Variants in PTPN21 observed in about 807,000 individuals in gnomAD.
PTPN21 encodes the protein tyrosine-protein phosphatase non-receptor type 21.
In PTPN21, 77 loss-of-function variants were observed where a neutral mutation model predicts 131.8. The ratio of observed to expected loss-of-function variants is 0.58; its 90% CI spans 0.49 to 0.71. The LOEUF is 0.71. Ranked by LOEUF, PTPN21 falls within the 30% of genes least tolerant of loss-of-function variation. The pLI is 0.00. For synonymous variants in PTPN21, 715 were observed against 621.3 expected (o/e 1.15, Z -2.24); for missense variants, 1,552 against 1,527.1 (o/e 1.02, Z -0.27).
chr14:88,469,769 C>G lies in PTPN21; in HGVS notation c.3001-36G>C. On this transcript the variant is annotated intron_variant, in intron 16 of 18. Coordinates refer to ENST00000556564, the MANE Select transcript of PTPN21 (RefSeq NM_007039.4). This position sits in a 1 kb window ranked among gnomAD's most constrained non-coding sequence, Gnocchi z 4.3. The stretch of plus-strand genomic sequence containing the variant: ...TGAGCATGGTTAAATGACTCGAGAT[C>G]CGGCAATGGATGCCTTTCTCACATA... 1.2e-6 allele frequency: 2 copies of G among 1,608,938 alleles called. No homozygotes were observed.
chr14:88,508,538 TTA>T (rs1044444191), intron 3 of PTPN21, among the ~76,000 whole-genome samples: 1 of 152,132 alleles, frequency 6.6e-6, no homozygotes, highest in African/African-American at 2.4e-5. Context: ...TTATCCCAGA[TTA>T]TAGTTATTTC....
At chr14:88,533,018 T>A (rs1038873155) in intron 2 of PTPN21, among the ~76,000 whole-genome samples, 7 of 152,208 alleles carry the variant, frequency 4.6e-5, no homozygotes, top group African/African-American at 1.7e-4. Flanking sequence ...TCAACCTTGT[T>A]TATCAGGCAA....
At position 88,473,728 on chromosome 14, in the gene PTPN21, TAGGG is replaced by T. The variant is rs1476958531; in HGVS notation, c.2582_2585del (p.Ser861TyrfsTer30). 6.2e-7 allele frequency: 1 copy of T among 1,611,612 alleles called. No homozygotes were observed. The highest frequency in any genetic ancestry group is 2.2e-5 in the East Asian group (1 of 44,848). ...CTTCATCAGGCAGAGGCACTCGAGA[TAGGG>T]AGAGTCCATTTAGGGCAGCCAGTTT... On this transcript the variant is annotated frameshift_variant, in exon 14 of 19. Transcript: ENST00000556564. LOFTEE classifies it high-confidence loss of function.
rs2077609998 is a variant in PTPN21, at chr14:88,479,628, G to C, written c.1803C>G (p.His601Gln). ...TGTCCTCCTGGAACGTTTGCACCGA[G>C]TGGTGCACGCGCCGCGTGATGAGGT... ...NPDLITRRVH[H>Q]SVQTFQEDSL... Residue 601 changes from histidine to glutamine, a missense_variant, in exon 13 of 19, where the codon CAC becomes CAG. Physicochemically the swap from His to Gln is conservative, Grantham distance 24. Coordinates refer to ENST00000556564, the MANE Select transcript of PTPN21 (RefSeq NM_007039.4). 1.3e-6 allele frequency: 2 copies of C among 1,573,972 alleles called. No homozygotes were observed. The highest frequency in any genetic ancestry group is 8.6e-7 in the Non-Finnish European group (1 of 1,164,850).
intron 4 of PTPN21, among the ~76,000 whole-genome samples, chr14:88,505,958 T>C (rs570690401): frequency 6.6e-6 from 1 of 152,356 alleles, no homozygotes; most frequent in South Asian, 2.1e-4. Context: ...TGCCTTCTTA[T>C]AGCTGAAGGA....
At chr14:88,523,401 T>TA (rs375911033) in intron 2 of PTPN21, among the ~76,000 whole-genome samples, 24 of 151,974 alleles carry the variant, frequency 1.6e-4, no homozygotes, top group Admixed American at 5.9e-4. Context: ...TCCTTAATGA[T>TA]AAAAAACACC....
chr14:88,539,994 G>T (rs752629929), intron 2 of PTPN21, among the ~76,000 whole-genome samples: 7 of 152,162 alleles, frequency 4.6e-5, no homozygotes, highest in Admixed American at 1.3e-4. Flanking sequence ...ACAAGGGACT[G>T]AGAAGGTTAT....
chr14:88,550,297 C>A lies in PTPN21; in HGVS notation c.121G>T (p.Val41Leu), dbSNP rs146847601. ...NNEFVEFTLS[V>L]ESTGQESLEA... ...AGGCTTTCCTGGCCAGTGCTCTCCA[C>A]GGACAGGGTGAACTCCACAAACTCG... Residue 41 changes from valine (V) to leucine (L), a missense_variant, in exon 2 of 19, where the codon GTG (valine) becomes TTG (leucine). Transcript: ENST00000556564. The A allele has an allele frequency of 2.7e-4, 430 of 1,614,180 alleles. 2 individuals carry two copies. In the African/African-American group the frequency reaches 5.3e-3, roughly 20 times the overall value.
rs781749438 is a variant in PTPN21, at chr14:88,470,048, G to GA, written c.2873dup (p.Ser959LeufsTer51). 1 of 1,612,536 alleles carries GA rather than the reference G, an allele frequency of 6.2e-7. No homozygotes were observed. Among genetic ancestry groups the GA allele is most frequent in the Non-Finnish European group, 8.5e-7 (1 of 1,178,572 alleles). On this transcript the variant is annotated frameshift_variant and splice_region_variant, in exon 16 of 19. Transcript: ENST00000556564. LOFTEE classifies it high-confidence loss of function. ...AATCCCATTCGATTCCACTGACAGA[G>GA]ACCTGGGATTAGAAAAGGTTAAAAA...
chr14:88,515,445 C>T (rs1324286243), intron 3 of PTPN21: 1 of 152,104 alleles, frequency 6.6e-6, no homozygotes, highest in Non-Finnish European at 1.5e-5. Context: ...GATGGGTGAT[C>T]TTTGTGAAAT....
chr14:88,531,671 T>G (rs1445993211), intron 2 of PTPN21, among the ~76,000 whole-genome samples: 1 of 151,976 alleles, frequency 6.6e-6, no homozygotes, highest in Non-Finnish European at 1.5e-5. Flanking sequence ...TCAAAAAGTC[T>G]GAAAGAGCAC....
At chr14:88,471,430 A>G (rs1027912058) in intron 15 of PTPN21, among the ~76,000 whole-genome samples, 2 of 152,182 alleles carry the variant, frequency 1.3e-5, no homozygotes, top group Non-Finnish European at 2.9e-5. Context: ...ACCCCAGATA[A>G]GGTGCCAAGA....
chr14:88,518,492 G>T (rs1186574202), intron 2 of PTPN21, among the ~76,000 whole-genome samples: 1 of 117,634 alleles, frequency 8.5e-6, no homozygotes, highest in Middle Eastern at 5.7e-3. Context: ...GTGCAGTGGC[G>T]CAATCTCAGC....
chr14:88,535,342 T>A (rs976928029), intron 2 of PTPN21, among the ~76,000 whole-genome samples: 7 of 152,180 alleles, frequency 4.6e-5, no homozygotes, highest in African/African-American at 1.7e-4. Flanking sequence ...GACACATGGC[T>A]GTATTTCCCC....
chr14:88,511,310 A>T (rs916326485), intron 3 of PTPN21, among the ~76,000 whole-genome samples: 15 of 152,266 alleles, frequency 9.9e-5, no homozygotes, highest in African/African-American at 2.9e-4. Context: ...TAAAGTGATT[A>T]AAAAAACCTT....
In PTPN21 at chr14:88,467,612, GT is replaced by G. The variant is rs1048381177; in HGVS notation, c.*524del. ...ACTAAACCATTATTAAGTACCCAAG[GT>G]TTTTAAAAAATAACAAAAGATAATA... On this transcript the variant is annotated 3_prime_UTR_variant, in exon 19 of 19. Transcript: ENST00000556564. 3 of 152,090 alleles carry G rather than the reference GT, an allele frequency of 2.0e-5. No homozygotes were observed. The highest frequency in any genetic ancestry group is 6.6e-5 in the Admixed American group (1 of 15,264). 9.4% of individuals were successfully genotyped at this position (152,090 alleles called of 1,614,324 possible).
At chr14:88,494,977 C>CACT (rs1462228751) in intron 10 of PTPN21, among the ~76,000 whole-genome samples, 1 of 131,544 alleles carries the variant, frequency 7.6e-6, no homozygotes, top group Non-Finnish European at 1.6e-5. Flanking sequence ...CGTGCCACTG[C>CACT]ACTCCAGCCT....
intron 10 of PTPN21, among the ~76,000 whole-genome samples, chr14:88,487,577 G>A (rs1390044431): frequency 1.3e-5 from 2 of 149,382 alleles, no homozygotes; most frequent in Non-Finnish European, 3.0e-5. Flanking sequence ...TTAACATCAG[G>A]TGATTACAAC....
At chr14:88,476,689 C>G (rs1365765208) in intron 13 of PTPN21, among the ~76,000 whole-genome samples, 5 of 151,784 alleles carry the variant, frequency 3.3e-5, no homozygotes, top group African/African-American at 1.2e-4. Context: ...TCACAGAGAA[C>G]TAACAAATGG....
Sources: allele counts gnomAD v4.1 joint callset (sites outside exome capture counted in the v4.1 genomes callset), GRCh38; gene constraint gnomAD v4.1.1; non-coding constraint Gnocchi (gnomAD v3.1); transcripts MANE v1.5; gene names NCBI Gene and HGNC (gene_info 2026-07-23, HGNC 2026-07-21).